Variants in TNIP3 observed in about 807,000 individuals in gnomAD.
TNIP3 encodes the protein TNFAIP3 interacting protein 3, also known as TNFAIP3-interacting protein 3.
Under a neutral mutation model 54.1 loss-of-function variants are expected in TNIP3, and 34 were observed. The ratio of observed to expected loss-of-function variants is 0.63; its 90% CI spans 0.48 to 0.84. The LOEUF is 0.84. Among genes scored for constraint, TNIP3 ranks in the 40% least tolerant of loss-of-function variants. The probability of loss-of-function intolerance (pLI) is 0.00; values close to 1 mark genes in which losing one functional copy is unlikely to be tolerated. For synonymous variants in TNIP3, 134 were observed against 136.8 expected, an observed-to-expected ratio of 0.98 and a Z score of 0.14; for missense variants, 366 against 387.6, an observed-to-expected ratio of 0.94 and a Z score of 0.47.
At chr4:121,221,444 A>T (rs1727021077), upstream of TNIP3, among the ~76,000 whole-genome samples, 2 of 152,248 alleles carry the variant, frequency 1.3e-5, no homozygotes, top group African/African-American at 4.8e-5. Flanking sequence ...TAAAACAGCA[A>T]TAAAAGATTT....
chr4:121,156,673 T>C (rs1730106788), intron 4 of TNIP3, among the ~76,000 whole-genome samples: 1 of 152,178 alleles, frequency 6.6e-6, no homozygotes, highest in African/African-American at 2.4e-5. Context: ...CTCTGTAAGC[T>C]TGAAAAGCTA....
At chr4:121,163,733 C>A (rs1205976230) in intron 1 of TNIP3, among the ~76,000 whole-genome samples, 1 of 152,066 alleles carries the variant, frequency 6.6e-6, no homozygotes, top group East Asian at 1.9e-4. Flanking sequence ...ACTACAGATA[C>A]TCTATTGTTA....
chr4:121,188,563 A>G (rs1374682574), intron 2 of TNIP3, among the ~76,000 whole-genome samples: 2 of 152,208 alleles, frequency 1.3e-5, no homozygotes, highest in South Asian at 4.1e-4. Context: ...GAGCTCATCT[A>G]AAGTTTATTT....
rs766159759 is a variant in TNIP3, at chr4:121,132,642, C to A, written c.967G>T (p.Val323Phe). The change falls in exon 11 of 11, where the codon GTC becomes TTC. Residue 323 changes from valine to phenylalanine, a missense_variant. Physicochemically the swap from Val to Phe is conservative, Grantham distance 50. Coordinates refer to ENST00000057513, the MANE Select transcript of TNIP3 (RefSeq NM_024873.6). ...KANGLSSVKKVHP is the reference protein window; with the variant it reads ...KANGLSSVKKFHP ...GTTAGTGTGTACTTCTACGGATGGACTTTCTTTACTGAGGATAAACCTATG... is the reference window on the plus strand; with the variant it reads ...GTTAGTGTGTACTTCTACGGATGGAATTTCTTTACTGAGGATAAACCTATG... 1.2e-6 allele frequency: 2 copies of A among 1,612,764 alleles called. No homozygotes were observed. The highest frequency in any genetic ancestry group is 1.1e-5 in the South Asian group (1 of 91,032).
At chr4:121,205,001 G>A (rs1430671079) in intron 2 of TNIP3, among the ~76,000 whole-genome samples, 5 of 152,022 alleles carry the variant, frequency 3.3e-5, no homozygotes, top group East Asian at 1.9e-4. Flanking sequence ...TGTTCATTCT[G>A]GTTCTTGACT....
At chr4:121,132,769 A>G in intron 10 of TNIP3, 107 bp from the exon 11 acceptor site, 2 of 885,490 alleles carry the variant, frequency 2.3e-6, no homozygotes, top group Non-Finnish European at 3.5e-6. Context: ...AAAAAAAAAA[A>G]GTTATGTTAT....
chr4:121,212,085 A>C (rs1726506412), intron 2 of TNIP3, among the ~76,000 whole-genome samples: 1 of 152,256 alleles, frequency 6.6e-6, no homozygotes, highest in Non-Finnish European at 1.5e-5. Context: ...TCTGGCATAC[A>C]GTAATAGCCT....
intron 10 of TNIP3, among the ~76,000 whole-genome samples, chr4:121,136,370 A>G (rs1476253496): frequency 6.6e-6 from 1 of 152,220 alleles, no homozygotes; most frequent in Non-Finnish European, 1.5e-5. Context: ...GCACTGTACT[A>G]TATAATTCAA....
intron 7 of TNIP3, among the ~76,000 whole-genome samples, chr4:121,145,253 C>T (rs1418678639): frequency 6.6e-6 from 1 of 152,152 alleles, no homozygotes; most frequent in East Asian, 1.9e-4. Flanking sequence ...CCATCTATTA[C>T]ATCTCTGTGA....
At chr4:121,187,448 C>A (rs1205733889) in intron 2 of TNIP3, among the ~76,000 whole-genome samples, 1 of 152,218 alleles carries the variant, frequency 6.6e-6, no homozygotes, top group Non-Finnish European at 1.5e-5. Flanking sequence ...TCCCAGGTCA[C>A]TTGACTCATG....
In TNIP3 at chr4:121,210,721, C is replaced by A. The variant is rs538342118; in HGVS notation, c.68+5694G>T. On this transcript the variant is annotated intron_variant, in intron 2 of 12. Coordinates refer to the TNIP3 transcript ENST00000507879. ...TGCATGTGTGGAGAGAGACAGCAAG[C>A]TCTCTGGTGTCTCTTTTTATAAGGG... Among the ~76,000 whole-genome samples, 20 of 152,284 alleles carry A rather than the reference C, an allele frequency of 1.3e-4. No homozygotes were observed. In the South Asian group the frequency reaches 3.3e-3, roughly 25 times the overall value.
intron 5 of TNIP3, among the ~76,000 whole-genome samples, chr4:121,153,542 T>C (rs1454963998): frequency 6.6e-6 from 1 of 152,220 alleles, no homozygotes; most frequent in Non-Finnish European, 1.5e-5. Context: ...GAGCATGGTT[T>C]TTCTGTCTTA....
intron 9 of TNIP3, among the ~76,000 whole-genome samples, chr4:121,139,004 A>C (rs967255960): frequency 6.6e-6 from 1 of 152,222 alleles, no homozygotes; most frequent in Admixed American, 6.5e-5. Context: ...ACTACAGCCC[A>C]TCAATAAAAC....
At chr4:121,227,425 G>C in exon 1 of TNIP3, 1 of 1,528,500 alleles carries the variant, frequency 6.5e-7, no homozygotes, top group Non-Finnish European at 8.8e-7. Flanking sequence ...CTAGGTAAGC[G>C]TATTACAAGG....
At chr4:121,182,436 A>G (rs1724765455) in intron 3 of TNIP3, among the ~76,000 whole-genome samples, 1 of 152,160 alleles carries the variant, frequency 6.6e-6, no homozygotes, top group South Asian at 2.1e-4. Context: ...TCTTGTAGTC[A>G]CAGCTGCCTG....
intron 1 of TNIP3, among the ~76,000 whole-genome samples, chr4:121,226,912 A>C (rs1279515490): frequency 6.9e-6 from 1 of 145,582 alleles, no homozygotes; most frequent in African/African-American, 2.5e-5. Flanking sequence ...TCCCCTGCAG[A>C]GGAACACACT....
intron 10 of TNIP3, among the ~76,000 whole-genome samples, chr4:121,134,383 C>CCTT (rs1728657712): frequency 1.3e-5 from 2 of 152,190 alleles, no homozygotes; most frequent in Non-Finnish European, 2.9e-5. Flanking sequence ...TCTGTTATGA[C>CCTT]ATAATTGTTC....
chr4:121,141,910 T>A lies in TNIP3; in HGVS notation c.791A>T (p.Tyr264Phe). 6.3e-7 allele frequency: 1 copy of A among 1,596,452 alleles called. No individual in the cohort carries two copies. Among genetic ancestry groups the A allele is most frequent in the East Asian group, 2.3e-5 (1 of 43,510 alleles). The change falls in exon 9 of 11, where the codon TAT becomes TTT. Residue 264 changes from tyrosine to phenylalanine, a missense_variant. By Grantham distance (22) the Tyr-to-Phe change is conservative. Transcript: ENST00000057513. Reference protein sequence around the residue: ...EKLEKQLKQMYCPPCNCGLVF... With the variant: ...EKLEKQLKQMFCPPCNCGLVF... The stretch of plus-strand genomic sequence containing the variant: ...CAAGCCGCAGTTACAGGGTGGGCAA[T>A]ACATCTGAGGAGAACAAAACTGTGG...
In TNIP3 at chr4:121,138,698, T is replaced by C; in HGVS notation, c.886-14A>G. 2.5e-6 allele frequency: 4 copies of C among 1,611,306 alleles called. No individual in the cohort carries two copies. The highest frequency in any genetic ancestry group is 2.5e-6 in the Non-Finnish European group (3 of 1,177,526). ...CTGATAGTCTGGCTGTGTGGAACAA[T>C]ACAACATTATTATAGCAATATGGAC... On this transcript the variant is annotated splice_polypyrimidine_tract_variant and intron_variant, in intron 9 of 10. Transcript: ENST00000057513.
Sources: allele counts gnomAD v4.1 joint callset (sites outside exome capture counted in the v4.1 genomes callset), GRCh38; gene constraint gnomAD v4.1.1; transcripts MANE v1.5; gene names NCBI Gene and HGNC (gene_info 2026-07-23, HGNC 2026-07-21).